The following FAM149B1 variants were observed in gnomAD, a reference collection of about 807,000 sequenced individuals.
FAM149B1 encodes the protein primary cilium assembly protein FAM149B1.
FAM149B1 carries 56 observed loss-of-function variants against 75.3 expected under a neutral mutation model. That is an observed-to-expected ratio of 0.74 (90% CI 0.60 to 0.93). The LOEUF is 0.93. Among genes scored for constraint, FAM149B1 ranks in the 40% least tolerant of loss-of-function variants. The probability of loss-of-function intolerance (pLI) is 0.00; values close to 1 mark genes in which losing one functional copy is unlikely to be tolerated. For synonymous variants in FAM149B1, 259 were observed against 256.1 expected (o/e 1.01, Z -0.11); for missense variants, 639 against 708.4 (o/e 0.90, Z 1.11).
At chr10:73,237,002 C>T (rs1028033169) in intron 12 of FAM149B1, among the ~76,000 whole-genome samples, 55 of 152,314 alleles carry the variant, frequency 3.6e-4, no homozygotes, top group African/African-American at 1.3e-3. Flanking sequence ...GCATGAGCCA[C>T]ATGCCCAGCC....
chr10:73,216,006 A>T, intron 7 of FAM149B1, among the ~76,000 whole-genome samples: 1 of 152,134 alleles, frequency 6.6e-6, no homozygotes, highest in Non-Finnish European at 1.5e-5. Flanking sequence ...GGGTGTTAAA[A>T]TCCCCACTAT....
chr10:73,179,306 G>T (rs565569610), intron 3 of FAM149B1, among the ~76,000 whole-genome samples: 1 of 151,924 alleles, frequency 6.6e-6, no homozygotes, highest in African/African-American at 2.4e-5. Context: ...TATTTAATTT[G>T]GCTTAGTTAT....
At chr10:73,229,973 C>A (rs1333744712) in intron 8 of FAM149B1, among the ~76,000 whole-genome samples, 1 of 152,148 alleles carries the variant, frequency 6.6e-6, no homozygotes, top group Non-Finnish European at 1.5e-5. Flanking sequence ...TCATTGAGGG[C>A]TGACCTGCTC....
rs1391206667 is a variant in FAM149B1 at position 73,211,306 on chromosome 10, A to G, written c.898+868A>G. ...GAAAAAGTTCCAACCTTCTAATTAC[A>G]TGGTTGGTTCCCCTGCCAACCACTA... On this transcript the variant is annotated intron_variant, in intron 7 of 13. Transcript: ENST00000242505. Among the ~76,000 whole-genome samples the G allele has an allele frequency of 2.0e-5, 3 of 152,114 alleles. No individual in the cohort carries two copies. The East Asian group carries it at 5.8e-4, about 29-fold the overall frequency.
intron 5 of FAM149B1, among the ~76,000 whole-genome samples, chr10:73,195,463 T>C (rs2042782049): frequency 6.6e-6 from 1 of 152,232 alleles, no homozygotes; most frequent in African/African-American, 2.4e-5. Context: ...CCCACAGAAA[T>C]GATGTATTCT....
At chr10:73,232,206 A>C (rs1227425909) in intron 9 of FAM149B1, among the ~76,000 whole-genome samples, 1 of 150,404 alleles carries the variant, frequency 6.6e-6, no homozygotes, top group East Asian at 2.1e-4. Context: ...ATGTCCTCTC[A>C]CTTGCTTTAA....
chr10:73,171,753 C>T (rs1281507359), intron 1 of FAM149B1, among the ~76,000 whole-genome samples: 4 of 151,782 alleles, frequency 2.6e-5, no homozygotes, highest in African/African-American at 7.3e-5. Flanking sequence ...CTCAGCCTCC[C>T]GAGTAGCTGG....
intron 12 of FAM149B1, among the ~76,000 whole-genome samples, chr10:73,238,313 C>A (rs575550191): frequency 6.6e-6 from 1 of 152,224 alleles, no homozygotes; most frequent in Non-Finnish European, 1.5e-5. Flanking sequence ...TGCCATTGCA[C>A]TCCAACCTGG....
intron 7 of FAM149B1, among the ~76,000 whole-genome samples, chr10:73,224,798 T>C (rs930473474): frequency 3.4e-4 from 52 of 152,234 alleles, no homozygotes; most frequent in African/African-American, 1.3e-3. Flanking sequence ...AAACAGGCAG[T>C]AGTAACAGGT....
chr10:73,184,853 G>A (rs1189204534), intron 3 of FAM149B1, among the ~76,000 whole-genome samples: 1 of 151,958 alleles, frequency 6.6e-6, no homozygotes, highest in East Asian at 1.9e-4. Flanking sequence ...AACTAAAGAA[G>A]AACAAACTAA....
chr10:73,213,012 T>C (rs1229036478), intron 7 of FAM149B1, among the ~76,000 whole-genome samples: 1 of 152,074 alleles, frequency 6.6e-6, no homozygotes. Context: ...CTGGCTAATC[T>C]TTTGGTATTT....
rs1291120850 is a variant in FAM149B1, at chr10:73,244,037, A to C, written c.*3018A>C. The C allele has an allele frequency of 3.6e-6, 3 of 838,086 alleles. No homozygotes were observed. The highest frequency in any genetic ancestry group is 3.5e-5 in the African/African-American group (2 of 57,436). The allele number at this position is 838,086 out of a possible 1,614,324, so 51.9% of individuals were successfully genotyped here. A position where few individuals can be genotyped will look rare whatever the true frequency, so the allele number is the denominator to read the frequency against. ...TCTGTTTCAATTTTATGAATATATGAATAGACAAAATGAATCGAATTACAT... is the reference window on the plus strand; with the variant it reads ...TCTGTTTCAATTTTATGAATATATGCATAGACAAAATGAATCGAATTACAT... On this transcript the variant is annotated 3_prime_UTR_variant, in exon 14 of 14. Coordinates refer to ENST00000242505, the MANE Select transcript of FAM149B1 (RefSeq NM_173348.2).
chr10:73,176,781 C>T (rs1843983101), intron 2 of FAM149B1, among the ~76,000 whole-genome samples: 2 of 152,088 alleles, frequency 1.3e-5, no homozygotes, highest in African/African-American at 4.8e-5. Flanking sequence ...AGTCCCAGCA[C>T]TTTGGGAGGC....
chr10:73,179,757 G>A (rs2042352533), intron 3 of FAM149B1, among the ~76,000 whole-genome samples: 1 of 151,920 alleles, frequency 6.6e-6, no homozygotes, highest in Non-Finnish European at 1.5e-5. Flanking sequence ...CATTTTGAAT[G>A]TACATATACT....
intron 5 of FAM149B1, among the ~76,000 whole-genome samples, chr10:73,205,276 T>C (rs1322303361): frequency 6.6e-6 from 1 of 151,994 alleles, no homozygotes; most frequent in Non-Finnish European, 1.5e-5. Context: ...GGTATGATCT[T>C]TGCAATAGTG....
intron 7 of FAM149B1, among the ~76,000 whole-genome samples, chr10:73,216,898 T>C (rs1449389112): frequency 6.6e-6 from 1 of 152,180 alleles, no homozygotes; most frequent in Non-Finnish European, 1.5e-5. Flanking sequence ...ACAATCAATA[T>C]AGTGAACATA....
chr10:73,185,055 C>G (rs899970795), intron 3 of FAM149B1, among the ~76,000 whole-genome samples: 1 of 152,126 alleles, frequency 6.6e-6, no homozygotes, highest in Admixed American at 6.6e-5. Context: ...GGGCATAACT[C>G]AACCCTACAG....
chr10:73,236,744 A>G (rs974840901), intron 12 of FAM149B1, among the ~76,000 whole-genome samples: 13 of 137,534 alleles, frequency 9.5e-5, no homozygotes, highest in African/African-American at 3.6e-4. Flanking sequence ...TTTTTTTAAG[A>G]CAGGGTCTCA....
intron 12 of FAM149B1, 78 bp from the exon 13 acceptor site, chr10:73,239,234 T>A: frequency 8.2e-7 from 1 of 1,214,606 alleles, no homozygotes; most frequent in East Asian, 2.6e-5. Context: ...GATTTCAAGG[T>A]GTTCCTGTGA....
Sources: gnomAD v4.1 joint callset for allele counts (sites outside exome capture counted in the v4.1 genomes callset) on GRCh38, gnomAD v4.1.1 for gene constraint, MANE v1.5 for transcripts, NCBI Gene and HGNC (gene_info 2026-07-23, HGNC 2026-07-21) for gene names.